ZFAND3: variants seen among roughly 807,000 people sequenced by gnomAD.
ZFAND3 encodes AN1-type zinc finger protein 3.
A neutral mutation model predicts 29.6 loss-of-function variants in ZFAND3; 10 were observed. The ratio of observed to expected loss-of-function variants is 0.34; its 90% CI spans 0.21 to 0.57. ZFAND3 has a LOEUF of 0.57. ZFAND3 is among the 20% of genes least tolerant of loss of function. The probability of loss-of-function intolerance (pLI) is 0.86; values close to 1 mark genes in which losing one functional copy is unlikely to be tolerated. For synonymous variants in ZFAND3, 128 were observed against 112.6 expected, an observed-to-expected ratio of 1.14 and a Z score of -0.87; for missense variants, 230 against 304.5, an observed-to-expected ratio of 0.76 and a Z score of 1.82.
At chr6:38,102,133 C>T (rs1424271899) in intron 4 of ZFAND3, among the ~76,000 whole-genome samples, 1 of 152,022 alleles carries the variant, frequency 6.6e-6, no homozygotes, top group Non-Finnish European at 1.5e-5. Flanking sequence ...TTCTCTTTCT[C>T]CTCCTCCTCC....
chr6:38,018,982 G>A (rs2842530), intron 2 of ZFAND3, among the ~76,000 whole-genome samples: 148,147 of 152,060 alleles, frequency 0.97, 72,302 homozygotes, highest in East Asian at 1. Context: ...TTTTTTTTTG[G>A]GACAGAGTGT....
rs150272883 is a variant in ZFAND3, at chr6:38,112,149, A to G, written c.362-4423A>G. Among the ~76,000 whole-genome samples the G allele has an allele frequency of 1.8e-3, 273 of 152,356 alleles. 2 individuals are homozygous for G. Among genetic ancestry groups the G allele is most frequent in the African/African-American group, 6.2e-3 (259 of 41,586 alleles). Reference sequence around the variant, plus strand: ...TTCCTTTGACTAGATCTGATGTGATATCTTTCTCATTCTATTAAACATTGG... The same window carrying G: ...TTCCTTTGACTAGATCTGATGTGATGTCTTTCTCATTCTATTAAACATTGG... On this transcript the variant is annotated intron_variant, in intron 4 of 5. Coordinates refer to ENST00000287218, the MANE Select transcript of ZFAND3 (RefSeq NM_021943.3).
intron 1 of ZFAND3, among the ~76,000 whole-genome samples, chr6:37,854,829 T>G (rs1468248705): frequency 4.7e-5 from 7 of 148,234 alleles, no homozygotes; most frequent in African/African-American, 1.7e-4. Flanking sequence ...ATTATGGTTG[T>G]TTCATGCTTA....
chr6:37,878,110 T>A (rs1764827364), intron 1 of ZFAND3, among the ~76,000 whole-genome samples: 1 of 152,174 alleles, frequency 6.6e-6, no homozygotes, highest in South Asian at 2.1e-4. Flanking sequence ...GTGTGGGAAC[T>A]CGTACAAATG....
intron 2 of ZFAND3, among the ~76,000 whole-genome samples, chr6:37,971,737 C>G (rs955902691): frequency 6.6e-6 from 1 of 151,432 alleles, no homozygotes; most frequent in Non-Finnish European, 1.5e-5. Flanking sequence ...GCCTGTAATC[C>G]CAGCACTTTG....
At chr6:37,891,171 C>G (rs1056779987) in intron 1 of ZFAND3, among the ~76,000 whole-genome samples, 3 of 152,176 alleles carry the variant, frequency 2.0e-5, no homozygotes, top group Non-Finnish European at 4.4e-5. Context: ...AATACGTGGT[C>G]TTTTGTGACT....
At chr6:38,061,820 A>G (rs767592038) in intron 3 of ZFAND3, 45 bp downstream of exon 3, 2 of 1,598,948 alleles carry the variant, frequency 1.3e-6, no homozygotes, top group South Asian at 2.2e-5. Flanking sequence ...GCAGCTTAAG[A>G]ACTTTAGATG....
At chr6:38,014,165 G>A (rs908243165) in intron 2 of ZFAND3, among the ~76,000 whole-genome samples, 5 of 152,156 alleles carry the variant, frequency 3.3e-5, no homozygotes, top group African/African-American at 1.2e-4. Flanking sequence ...TATAAAGGCT[G>A]TATGGGATTG....
At chr6:38,000,609 T>G (rs1363015879) in intron 2 of ZFAND3, among the ~76,000 whole-genome samples, 4 of 152,134 alleles carry the variant, frequency 2.6e-5, no homozygotes, top group African/African-American at 9.7e-5. Context: ...GAGAACCGCC[T>G]GGGAAAGACC....
chr6:37,858,154 C>T (rs567200969), intron 1 of ZFAND3, among the ~76,000 whole-genome samples: 41 of 152,260 alleles, frequency 2.7e-4, no homozygotes, highest in African/African-American at 9.4e-4. Context: ...CCTTGTTGAG[C>T]CAAGTTTGAC....
Position 37,927,863 on chromosome 6 carries a change from G to A in ZFAND3, c.72-2096G>A, listed in dbSNP as rs548409316. Among the ~76,000 whole-genome samples the A allele has an allele frequency of 6.6e-5, 10 of 152,340 alleles. No homozygotes were observed. The South Asian group carries it at 2.1e-3, about 32-fold the overall frequency. Reference sequence around the variant, plus strand: ...GTTTGGCATGATGAATAGAATACAGGTGTTGGAATTAGACCAGATTAATTC... The same window carrying A: ...GTTTGGCATGATGAATAGAATACAGATGTTGGAATTAGACCAGATTAATTC... On this transcript the variant is annotated intron_variant, in intron 1 of 5. Coordinates refer to ENST00000287218, the MANE Select transcript of ZFAND3 (RefSeq NM_021943.3).
chr6:38,080,348 TTAAA>T (rs1426992750), intron 3 of ZFAND3, among the ~76,000 whole-genome samples: 1 of 151,760 alleles, frequency 6.6e-6, no homozygotes, highest in Non-Finnish European at 1.5e-5. Context: ...ACTCTTCTGA[TTAAA>T]TAGTTCGCAG....
At chr6:38,030,071 T>G (rs1260402199) in intron 2 of ZFAND3, among the ~76,000 whole-genome samples, 5 of 49,272 alleles carry the variant, frequency 1.0e-4, no homozygotes, top group African/African-American at 2.9e-4. Context: ...TATATATATA[T>G]ATATATATAT....
chr6:38,094,707 A>G (rs944759729), intron 4 of ZFAND3, among the ~76,000 whole-genome samples: 4 of 152,226 alleles, frequency 2.6e-5, no homozygotes, highest in Non-Finnish European at 5.9e-5. Context: ...TGAGGATATT[A>G]ATACATCTGA....
chr6:37,820,955 G>T (rs1438225095), intron 1 of ZFAND3, among the ~76,000 whole-genome samples: 1 of 152,180 alleles, frequency 6.6e-6, no homozygotes, highest in African/African-American at 2.4e-5. Context: ...CTGTAGTTCT[G>T]CAGTAAGAAA....
intron 1 of ZFAND3, among the ~76,000 whole-genome samples, chr6:37,877,233 A>G (rs1253177781): frequency 1.3e-5 from 2 of 152,148 alleles, no homozygotes; most frequent in African/African-American, 4.8e-5. Flanking sequence ...TATTTCTTCC[A>G]CACTTGTGAG....
rs935248933 is a variant in ZFAND3 at position 38,154,400 on chromosome 6, C to T, written c.*2011C>T. On this transcript the variant is annotated 3_prime_UTR_variant, in exon 6 of 6. Transcript: ENST00000287218. ...GGGGGGGTGGGGGGTGGGGCTTGTT[C>T]CCCTGCAGTATCTGTTCTGTGAAGT... 3 of 985,170 alleles carry T rather than the reference C, an allele frequency of 3.0e-6. No homozygotes were observed. The South Asian group carries it at 1.4e-4, about 46-fold the overall frequency. 61.0% of individuals were successfully genotyped at this position (985,170 alleles called of 1,614,324 possible).
chr6:38,054,537 A>AT (rs1050628904), intron 2 of ZFAND3, among the ~76,000 whole-genome samples: 10 of 152,044 alleles, frequency 6.6e-5, no homozygotes, highest in African/African-American at 9.6e-5. Flanking sequence ...AATAAAAATA[A>AT]TTTTTTTTAA....
intron 5 of ZFAND3, among the ~76,000 whole-genome samples, chr6:38,144,223 A>AT (rs1562016178): frequency 2.9e-5 from 2 of 69,678 alleles, no homozygotes; most frequent in South Asian, 7.9e-4. Flanking sequence ...TATATAATAT[A>AT]TATATATATT....
Sources: allele counts gnomAD v4.1 joint callset (sites outside exome capture counted in the v4.1 genomes callset), GRCh38; gene constraint gnomAD v4.1.1; transcripts MANE v1.5; gene names NCBI Gene and HGNC (gene_info 2026-07-23, HGNC 2026-07-21).